Variants in RGS6 observed in about 807,000 individuals in gnomAD.
The protein encoded by RGS6 is regulator of G-protein signaling 6.
RGS6 carries 30 observed loss-of-function variants against 78.5 expected under a neutral mutation model. The observed-to-expected ratio is 0.38, with a 90% CI of 0.29 to 0.52. The LOEUF is 0.52. Ranked by LOEUF, RGS6 falls within the 20% of genes least tolerant of loss-of-function variation. The pLI is 0.85. For synonymous variants in RGS6, 206 were observed against 206.0 expected (o/e 1.00, Z 0.00); for missense variants, 495 against 609.7 (o/e 0.81, Z 1.98).
intron 2 of RGS6, among the ~76,000 whole-genome samples, chr14:72,316,896 AGTGTGTGTGTGTGT>A (rs71109731): frequency 2.8e-5 from 4 of 141,816 alleles, no homozygotes; most frequent in African/African-American, 5.3e-5. Flanking sequence ...AAGCAGGTGA[AGTGTGTGTGTGTGT>A]GTGTGTGTGT....
the RGS6 span, among the ~76,000 whole-genome samples, chr14:71,892,384 C>T: frequency 6.6e-6 from 1 of 152,188 alleles, no homozygotes; most frequent in African/African-American, 2.4e-5. Flanking sequence ...AAGATGGATA[C>T]GGCCTTCCTA....
chr14:72,092,540 C>T (rs1242742007), intron 2 of RGS6, among the ~76,000 whole-genome samples: 1 of 152,014 alleles, frequency 6.6e-6, no homozygotes, highest in Non-Finnish European at 1.5e-5. Flanking sequence ...TGCCACCACG[C>T]CCAGCTAATT....
rs533433121 is a variant in RGS6 at position 72,300,987 on chromosome 14, C to G, written c.85-51108C>G. On this transcript the variant is annotated intron_variant, in intron 2 of 17. Transcript: ENST00000553525. ...AAAAGAAGTGTTGTAGTTCGCAGAACTTTAGAGGGGGAAAATATGATTTAT... is the reference window on the plus strand; with the variant it reads ...AAAAGAAGTGTTGTAGTTCGCAGAAGTTTAGAGGGGGAAAATATGATTTAT... Among the ~76,000 whole-genome samples, 154 of 152,158 alleles carry G rather than the reference C, an allele frequency of 1.0e-3. 1 individual carries two copies. Among genetic ancestry groups the G allele is most frequent in the Non-Finnish European group, 2.1e-3 (143 of 68,028 alleles).
At position 72,352,788 on chromosome 14, in the gene RGS6, C is replaced by G. The variant is rs972223463; in HGVS notation, c.184+594C>G. ...ATTATTATCAATATCTTAGAGCCCC[C>G]TTGGGTACCTACTGTATTGCATCCA... On this transcript the variant is annotated intron_variant, in intron 3 of 17. Coordinates refer to ENST00000553525, the MANE Select transcript of RGS6 (RefSeq NM_001204424.2). Among the ~76,000 whole-genome samples, 5 of 152,236 alleles carry G rather than the reference C, an allele frequency of 3.3e-5. No homozygotes were observed. The South Asian group carries it at 1.0e-3, about 32-fold the overall frequency.
intron 2 of RGS6, among the ~76,000 whole-genome samples, chr14:72,283,087 T>C (rs1171533453): frequency 6.6e-6 from 1 of 152,228 alleles, no homozygotes; most frequent in Non-Finnish European, 1.5e-5. Flanking sequence ...CTTATCTATA[T>C]TGTCACGTAT....
intron 3 of RGS6, among the ~76,000 whole-genome samples, chr14:72,446,760 C>A (rs2095375189): frequency 6.6e-6 from 1 of 152,130 alleles, no homozygotes; most frequent in African/African-American, 2.4e-5. Context: ...TGATGGGAGA[C>A]AGGAACAGAA....
At chr14:71,984,324 A>G (rs1359093891) in intron 2 of RGS6, among the ~76,000 whole-genome samples, 1 of 39,460 alleles carries the variant, frequency 2.5e-5, no homozygotes, top group African/African-American at 8.2e-5. Context: ...AAAAAAAAAC[A>G]AAGCTGTTAG....
intron 3 of RGS6, among the ~76,000 whole-genome samples, chr14:72,389,937 TAAC>T (rs2089466447): frequency 6.6e-6 from 1 of 152,100 alleles, no homozygotes; most frequent in Non-Finnish European, 1.5e-5. Context: ...ATTCTTAAAT[TAAC>T]AACAAAAGTC....
intron 17 of RGS6, chr14:72,552,839 A>T (rs1599071222): frequency 6.6e-6 from 1 of 152,208 alleles, no homozygotes; most frequent in African/African-American, 2.4e-5. Context: ...TGAGGTCAAT[A>T]AATGCCTTTT....
At chr14:71,986,163 G>T (rs1274136069) in intron 2 of RGS6, among the ~76,000 whole-genome samples, 1 of 151,972 alleles carries the variant, frequency 6.6e-6, no homozygotes. Flanking sequence ...CAGTGTTCTC[G>T]AACTGCCCAC....
chr14:72,037,819 C>T (rs2091927204), intron 2 of RGS6, among the ~76,000 whole-genome samples: 1 of 148,798 alleles, frequency 6.7e-6, no homozygotes, highest in African/African-American at 2.5e-5. Flanking sequence ...AATTTACACA[C>T]TTTAAGTCAG....
chr14:72,444,713 G>A (rs768062617), intron 3 of RGS6, among the ~76,000 whole-genome samples: 2 of 152,252 alleles, frequency 1.3e-5, no homozygotes, highest in Admixed American at 6.5e-5. Flanking sequence ...ACGGGGTGCC[G>A]TTGTCATATA....
At chr14:71,982,065 AC>A (rs2094491889) in intron 2 of RGS6, among the ~76,000 whole-genome samples, 1 of 151,848 alleles carries the variant, frequency 6.6e-6, no homozygotes, top group Non-Finnish European at 1.5e-5. Flanking sequence ...GCCCTCCGTC[AC>A]CCCTTTCTTT....
At chr14:72,628,671 G>A in the RGS6 span, among the ~76,000 whole-genome samples, 2 of 151,800 alleles carry the variant, frequency 1.3e-5, no homozygotes, top group African/African-American at 4.8e-5. Flanking sequence ...AGACAGAGTT[G>A]GTGAGAGGAG....
chr14:72,161,359 A>G (rs1027636192), intron 2 of RGS6, among the ~76,000 whole-genome samples: 3 of 152,192 alleles, frequency 2.0e-5, no homozygotes, highest in East Asian at 1.9e-4. Context: ...TGTTCTGCAC[A>G]TGTATCCCAG....
chr14:72,400,215 A>G (rs7149746), intron 3 of RGS6, among the ~76,000 whole-genome samples: 33,436 of 152,188 alleles, frequency 0.22, 4,186 homozygotes, highest in South Asian at 0.4. Flanking sequence ...AAGCCAGAAG[A>G]GAGTGGGGGC....
intron 2 of RGS6, among the ~76,000 whole-genome samples, chr14:72,190,088 C>T (rs2097303475): frequency 1.3e-5 from 2 of 152,146 alleles, no homozygotes; most frequent in Admixed American, 1.3e-4. Flanking sequence ...AACCTGTGTA[C>T]CCCTTTTCTT....
chr14:71,933,336 T>C (rs1437583548), intron 1 of RGS6: 1 of 151,266 alleles, frequency 6.6e-6, no homozygotes, highest in Non-Finnish European at 1.5e-5. Context: ...AGGCGTTCAT[T>C]AACTTTTTCC....
intron 2 of RGS6, among the ~76,000 whole-genome samples, chr14:72,298,354 G>C (rs2065283226): frequency 6.7e-6 from 1 of 150,230 alleles, no homozygotes; most frequent in East Asian, 1.9e-4. Flanking sequence ...TTATGTATGT[G>C]TGGATACATT....
Sources: gnomAD v4.1 joint callset for allele counts (sites outside exome capture counted in the v4.1 genomes callset) on GRCh38, gnomAD v4.1.1 for gene constraint, MANE v1.5 for transcripts, NCBI Gene and HGNC (gene_info 2026-07-23, HGNC 2026-07-21) for gene names.